ELOB: variants seen among roughly 807,000 people sequenced by gnomAD.
ELOB encodes elongin-B.
A neutral mutation model predicts 12.9 loss-of-function variants in ELOB; 3 were observed. That is an observed-to-expected ratio of 0.23 (90% CI 0.11 to 0.60). ELOB has a LOEUF of 0.60. Ranked by LOEUF, ELOB falls within the 20% of genes least tolerant of loss-of-function variation. ELOB has a pLI of 0.89. For synonymous variants in ELOB, 84 were observed against 67.4 expected (o/e 1.25, Z -1.21); for missense variants, 126 against 159.2 (o/e 0.79, Z 1.12).
intron 3 of ELOB, among the ~76,000 whole-genome samples, chr16:2,773,093 C>G (rs76132205): frequency 6.6e-6 from 1 of 152,152 alleles, no homozygotes; most frequent in African/African-American, 2.4e-5. Context: ...TGTCTTGTCC[C>G]TACTGTCACC....
rs116444725 is a variant in ELOB, at chr16:2,772,993, G to A, written c.245-891C>T. ...ACCTCCAGTCCACGCACCCCCAAAA[G>A]TCAAGACATCCTGACACTCTGGGCG... is the stretch of plus-strand genomic sequence containing the variant. On this transcript the variant is annotated intron_variant, in intron 3 of 3. Transcript: ENST00000409906. 5.4e-3 allele frequency among the ~76,000 whole-genome samples: 815 copies of A among 152,218 alleles called. 10 individuals carry two copies. Among genetic ancestry groups the A allele is most frequent in the African/African-American group, 0.019 (789 of 41,522 alleles).
In ELOB at chr16:2,771,468, G is replaced by T. The variant is rs747651035; in HGVS notation, c.*522C>A. 6.2e-7 allele frequency: 1 copy of T among 1,614,184 alleles called. No individual in the cohort carries two copies. The highest frequency in any genetic ancestry group is 8.5e-7 in the Non-Finnish European group (1 of 1,180,028). On this transcript the variant is annotated 3_prime_UTR_variant, in exon 4 of 4. Transcript: ENST00000409906. ...GTTAAGGGGGCAGCCACTTCCCTCC[G>T]TGATTACAGCCCCCAGCGTGGGTGG... is the stretch of plus-strand genomic sequence containing the variant.
intron 1 of ELOB, 48 bp from the exon 2 acceptor site, chr16:2,777,175 G>A (rs1227525930): frequency 3.8e-6 from 4 of 1,061,452 alleles, no homozygotes; most frequent in Non-Finnish European, 2.3e-6. Flanking sequence ...CCCCCCGCGC[G>A]GCCCAGCCGC....
Position 2,771,496 on chromosome 16 carries a change from C to G in ELOB, c.*494G>C. On this transcript the variant is annotated 3_prime_UTR_variant, in exon 4 of 4. Transcript: ENST00000409906. ...ATTACAGCCCCCAGCGTGGGTGGAC[C>G]TGTGTGGGTCCGTCTTGGGGTTCCC... The G allele has an allele frequency of 6.2e-7, 1 of 1,614,194 alleles. No homozygotes were observed. The highest frequency in any genetic ancestry group is 8.5e-7 in the Non-Finnish European group (1 of 1,180,042).
rs1316159854 is a variant in ELOB, at chr16:2,775,491, C to A, written c.204G>T (p.Arg68=). The A allele has an allele frequency of 1.4e-5, 23 of 1,606,808 alleles. No individual in the cohort carries two copies. Among genetic ancestry groups the A allele is most frequent in the Non-Finnish European group, 1.9e-5 (23 of 1,179,734 alleles). The change falls in exon 3 of 4, where the codon CGG becomes CGT. Residue 68 remains arginine, a synonymous_variant. Coordinates refer to ENST00000409906, the MANE Select transcript of ELOB (RefSeq NM_007108.4). The part of the protein sequence containing the change: ...GECGFTSQTA[R]PQAPATVGLA... The stretch of plus-strand genomic sequence containing the variant: ...GCCCCACTGTGGCTGGGGCCTGTGG[C>A]CGTGCTGTTTGACTGGTGAAGCCAC...
chr16:2,775,905 T>A (rs1173883927), intron 2 of ELOB, among the ~76,000 whole-genome samples: 1 of 152,082 alleles, frequency 6.6e-6, no homozygotes, highest in African/African-American at 2.4e-5. Context: ...AGAGACAGGG[T>A]CTCGCTATGT....
chr16:2,772,115 C>A lies in ELOB; in HGVS notation c.245-13G>T, dbSNP rs73496400. The A allele has an allele frequency of 6.1e-5, 97 of 1,590,674 alleles. No individual in the cohort carries two copies. The highest frequency in any genetic ancestry group is 7.5e-5 in the Non-Finnish European group (88 of 1,166,960). On this transcript the variant is annotated splice_polypyrimidine_tract_variant and intron_variant, in intron 3 of 3. Transcript: ENST00000409906. Reference sequence around the variant, plus strand: ...TCAAAGGTGTCATCTGTGGAGGAAGCAGCAGAGCTGCAGGGGGGTATTCCA... The same window carrying A: ...TCAAAGGTGTCATCTGTGGAGGAAGAAGCAGAGCTGCAGGGGGGTATTCCA...
rs546671109 is a variant in ELOB at position 2,771,682 on chromosome 16, T to G, written c.*308A>C. ...TGTCCCTGAGGCTGGCTCTGGTCTT[T>G]GTGTCTCTCCCAGTCCTTCCCTTTC... On this transcript the variant is annotated 3_prime_UTR_variant, in exon 4 of 4. Coordinates refer to ENST00000409906, the MANE Select transcript of ELOB (RefSeq NM_007108.4). The G allele has an allele frequency of 7.5e-6, 12 of 1,600,744 alleles. No individual in the cohort carries two copies. Among genetic ancestry groups the G allele is most frequent in the South Asian group, 2.2e-5 (2 of 89,336 alleles).
At chr16:2,774,244 CAAAAAT>C (rs979848725) in intron 3 of ELOB, among the ~76,000 whole-genome samples, 4 of 152,112 alleles carry the variant, frequency 2.6e-5, no homozygotes, top group Non-Finnish European at 5.9e-5. Context: ...ACAACAACAA[CAAAAAT>C]GCACCCATGT....
chr16:2,771,872 C>G lies in ELOB; in HGVS notation c.*118G>C. On this transcript the variant is annotated 3_prime_UTR_variant, in exon 4 of 4. Coordinates refer to ENST00000409906, the MANE Select transcript of ELOB (RefSeq NM_007108.4). ...CAGCACAGGAACTGCCAAGCACAAG[C>G]CCCAAAAGGAGCCCACAGGGAGTGG... 6.8e-7 allele frequency: 1 copy of G among 1,471,144 alleles called. No homozygotes were observed. Among genetic ancestry groups the G allele is most frequent in the Non-Finnish European group, 9.0e-7 (1 of 1,110,466 alleles). The allele number at this position is 1,471,144 out of a possible 1,614,324, so 91.1% of individuals were successfully genotyped here. A position where few individuals can be genotyped will look rare whatever the true frequency, so the allele number is the denominator to read the frequency against.
chr16:2,771,480 C>G lies in ELOB; in HGVS notation c.*510G>C. On this transcript the variant is annotated 3_prime_UTR_variant, in exon 4 of 4. Coordinates refer to ENST00000409906, the MANE Select transcript of ELOB (RefSeq NM_007108.4). ...GCCACTTCCCTCCGTGATTACAGCC[C>G]CCAGCGTGGGTGGACCTGTGTGGGT... is the stretch of plus-strand genomic sequence containing the variant. 1 of 1,614,194 alleles carries G rather than the reference C, an allele frequency of 6.2e-7. No individual in the cohort carries two copies. The highest frequency in any genetic ancestry group is 1.1e-5 in the South Asian group (1 of 91,082).
At chr16:2,774,753 G>A (rs1385119367) in intron 3 of ELOB, among the ~76,000 whole-genome samples, 1 of 152,124 alleles carries the variant, frequency 6.6e-6, no homozygotes, top group Non-Finnish European at 1.5e-5. Flanking sequence ...CCTTTCTCTT[G>A]GGTGGAAGAA....
At position 2,771,452 on chromosome 16, in the gene ELOB, G is replaced by GC. The variant is rs756899786; in HGVS notation, c.*537dup. The GC allele has an allele frequency of 6.2e-7, 1 of 1,613,944 alleles. No individual in the cohort carries two copies. Reference sequence around the variant, plus strand: ...TGTTTATTAAAGGTGTGTTAAGGGGGCAGCCACTTCCCTCCGTGATTACAG... The same window carrying GC: ...TGTTTATTAAAGGTGTGTTAAGGGGGCCAGCCACTTCCCTCCGTGATTACAG... On this transcript the variant is annotated 3_prime_UTR_variant, in exon 4 of 4. Coordinates refer to ENST00000409906, the MANE Select transcript of ELOB (RefSeq NM_007108.4).
At chr16:2,776,967 C>G in intron 2 of ELOB, 26 bp downstream of exon 2, 4 of 1,545,914 alleles carry the variant, frequency 2.6e-6, no homozygotes, top group Non-Finnish European at 3.5e-6. Flanking sequence ...GGTACCCGCT[C>G]CCCTCGGCCC....
chr16:2,777,261 C>G lies in ELOB; in HGVS notation c.-22G>C, dbSNP rs1254013548. On this transcript the variant is annotated 5_prime_UTR_variant, in exon 1 of 4. Coordinates refer to ENST00000409906, the MANE Select transcript of ELOB (RefSeq NM_007108.4). ...CCATCGCGGCTGCTGCCTCTCCCCT[C>G]GACGCGCCGGCGCAGCCGCGCTCCG... The G allele has an allele frequency of 4.9e-6, 5 of 1,023,746 alleles. No individual in the cohort carries two copies. Among genetic ancestry groups the G allele is most frequent in the Non-Finnish European group, 5.8e-6 (5 of 855,108 alleles). 63.4% of individuals were successfully genotyped at this position (1,023,746 alleles called of 1,614,324 possible).
At position 2,775,458 on chromosome 16, in the gene ELOB, G is replaced by A; in HGVS notation, c.237C>T (p.Phe79=). ...PQAPATVGLA[F]RADDTFEALC... The stretch of plus-strand genomic sequence containing the variant: ...GGGTGGTGGGCCTCTCACCTGCCCG[G>A]AAGGCCAGCCCCACTGTGGCTGGGG... The change falls in exon 3 of 4, where the codon TTC becomes TTT. Residue 79 remains phenylalanine (F), a synonymous_variant. Transcript: ENST00000409906. The A allele has an allele frequency of 1.4e-5, 23 of 1,600,554 alleles. No homozygotes were observed. Among genetic ancestry groups the A allele is most frequent in the Non-Finnish European group, 2.0e-5 (23 of 1,178,758 alleles).
At chr16:2,776,947 C>G in intron 2 of ELOB, 46 bp downstream of exon 2, 1 of 1,529,000 alleles carries the variant, frequency 6.5e-7, no homozygotes, top group East Asian at 2.5e-5. Context: ...CAGCCCCGTG[C>G]CCGGCGCCGG....
rs752544079 is a variant in ELOB, at chr16:2,771,975, G to T, written c.*15C>A. On this transcript the variant is annotated 3_prime_UTR_variant, in exon 4 of 4. Transcript: ENST00000409906. ...AAATCTCTTTTATTGGGGGAAATGG[G>T]CCTCTTGGGGGTCCTCACTGCACGG... The T allele has an allele frequency of 1.3e-6, 2 of 1,544,336 alleles. No homozygotes were observed. Among genetic ancestry groups the T allele is most frequent in the Non-Finnish European group, 1.8e-6 (2 of 1,141,450 alleles).
rs1404163260 is a variant in ELOB, at chr16:2,777,009, T to G, written c.122A>C (p.Glu41Ala). 6.3e-7 allele frequency: 1 copy of G among 1,592,476 alleles called. No individual in the cohort carries two copies. Among genetic ancestry groups the G allele is most frequent in the South Asian group, 1.1e-5 (1 of 88,236 alleles). The change falls in exon 2 of 4, where the codon GAG becomes GCG. Residue 41 changes from glutamate (E) to alanine (A), a missense_variant. Physicochemically the swap from Glu to Ala is moderately radical, Grantham distance 107. Transcript: ENST00000409906. ...GGGACCCACCTTGTACAGCCGCTGC[T>G]CGTCAGGAGGCCGCTTGAGGATGCC... The part of the protein sequence containing the change: ...VEGILKRPPD[E>A]QRLYKDDQLL...
Sources: allele counts gnomAD v4.1 joint callset (sites outside exome capture counted in the v4.1 genomes callset), GRCh38; gene constraint gnomAD v4.1.1; transcripts MANE v1.5; gene names NCBI Gene and HGNC (gene_info 2026-07-23, HGNC 2026-07-21).